VWDE: variants seen among roughly 807,000 people sequenced by gnomAD.
The protein encoded by VWDE is von Willebrand factor D and EGF domains, also known as von Willebrand factor D and EGF domain-containing protein.
A neutral mutation model predicts 178.4 loss-of-function variants in VWDE; 207 were observed. The ratio of observed to expected loss-of-function variants is 1.16; its 90% CI spans 1.04 to 1.30. The LOEUF (loss-of-function observed/expected upper bound fraction) is 1.30. VWDE is among the 50% of genes most tolerant of loss of function. The probability of loss-of-function intolerance (pLI) is 0.00; values close to 1 mark genes in which losing one functional copy is unlikely to be tolerated. For missense variants in VWDE, 2,287 were observed against 1,901.3 expected, an observed-to-expected ratio of 1.20 and a Z score of -3.77; for synonymous variants, 738 against 651.4, an observed-to-expected ratio of 1.13 and a Z score of -2.02.
At chr7:12,355,577 T>C (rs1583296243) in intron 18 of VWDE, among the ~76,000 whole-genome samples, 1 of 152,200 alleles carries the variant, frequency 6.6e-6, no homozygotes, top group African/African-American at 2.4e-5. Flanking sequence ...AAAATATTCA[T>C]ATGAGTTTTT....
chr7:12,389,150 C>G lies in VWDE; in HGVS notation c.452G>C (p.Gly151Ala). 6.4e-7 allele frequency: 1 copy of G among 1,551,008 alleles called. No homozygotes were observed. Among genetic ancestry groups the G allele is most frequent in the East Asian group, 2.4e-5 (1 of 40,910 alleles). The change falls in exon 3 of 29, where the codon GGA (glycine) becomes GCA (alanine). Residue 151 changes from glycine (G) to alanine (A), a missense_variant. Transcript: ENST00000275358. ...FSVYLLQPTQ[G>A]CMGYCAEAIS... ...ACCTTCCGCACAGTAGCCCATACATCCCTGAGTTGGTTGTAGTAAGTATAC... is the reference window on the plus strand; with the variant it reads ...ACCTTCCGCACAGTAGCCCATACATGCCTGAGTTGGTTGTAGTAAGTATAC...
At chr7:12,364,417 A>G (rs1782749070) in intron 13 of VWDE, among the ~76,000 whole-genome samples, 2 of 152,130 alleles carry the variant, frequency 1.3e-5, no homozygotes, top group Admixed American at 1.3e-4. Context: ...CTGGAATATC[A>G]TATGATGCCA....
intron 23 of VWDE, among the ~76,000 whole-genome samples, chr7:12,341,508 T>C (rs1781328125): frequency 1.3e-5 from 2 of 152,074 alleles, no homozygotes; most frequent in African/African-American, 4.8e-5. Flanking sequence ...GGCATGCTCC[T>C]GTAATCCCAG....
At chr7:12,343,260 A>G in intron 21 of VWDE, 82 bp from the exon 22 acceptor site, 1 of 1,002,374 alleles carries the variant, frequency 1.0e-6, no homozygotes, top group Non-Finnish European at 1.5e-6. Context: ...GTCACAATAA[A>G]ATCTTGTTGT....
chr7:12,381,763 A>G (rs922727951), intron 4 of VWDE, among the ~76,000 whole-genome samples: 1 of 151,922 alleles, frequency 6.6e-6, no homozygotes, highest in African/African-American at 2.4e-5. Context: ...TATATATCTG[A>G]GTAAAAATTT....
At chr7:12,344,811 T>C (rs1411569793) in intron 19 of VWDE, among the ~76,000 whole-genome samples, 3 of 152,142 alleles carry the variant, frequency 2.0e-5, no homozygotes, top group African/African-American at 7.2e-5. Flanking sequence ...ATATATAACT[T>C]GCTGTAATCT....
chr7:12,358,317 TGAGCTGAGA>T (rs1782378751), intron 16 of VWDE, among the ~76,000 whole-genome samples: 1 of 149,382 alleles, frequency 6.7e-6, no homozygotes, highest in Non-Finnish European at 1.5e-5. Flanking sequence ...GAGCTTGCAG[TGAGCTGAGA>T]TCGTGCCACT....
In VWDE at chr7:12,379,365, A is replaced by C. The variant is rs574343413; in HGVS notation, c.879+112T>G. 3.6e-5 allele frequency: 23 copies of C among 645,570 alleles called. No individual in the cohort carries two copies. The South Asian group carries it at 9.0e-4, about 25-fold the overall frequency. The allele number at this position is 645,570 out of a possible 1,614,324, so 40.0% of individuals were successfully genotyped here. On this transcript the variant is annotated intron_variant, in intron 6 of 28. Transcript: ENST00000275358. Reference sequence around the variant, plus strand: ...CAAATATGGGGACTCATGGGTCTCAACATTCCGATTCAGTCTGTGATGAGG... The same window carrying C: ...CAAATATGGGGACTCATGGGTCTCACCATTCCGATTCAGTCTGTGATGAGG...
chr7:12,350,539 T>G (rs1271829001), intron 19 of VWDE, among the ~76,000 whole-genome samples: 1 of 152,090 alleles, frequency 6.6e-6, no homozygotes, highest in Non-Finnish European at 1.5e-5. Flanking sequence ...AGTGATATCA[T>G]AGTGAAACAT....
In VWDE at chr7:12,380,525, AAGAG is replaced by A. The variant is rs1783788767; in HGVS notation, c.746_749del (p.Ser249PhefsTer2). 1 of 1,551,788 alleles carries A rather than the reference AAGAG, an allele frequency of 6.4e-7. No individual in the cohort carries two copies. Among genetic ancestry groups the A allele is most frequent in the Non-Finnish European group, 8.7e-7 (1 of 1,147,034 alleles). On this transcript the variant is annotated frameshift_variant, in exon 5 of 29. Coordinates refer to ENST00000275358, the MANE Select transcript of VWDE (RefSeq NM_001135924.3). LOFTEE classifies it high-confidence loss of function. ...TGAGATTTATGCCATCAAGTTCTAAAAGAGAGAATGCCTGAACTGTGGTCTCTTG... is the reference window on the plus strand; with the variant it reads ...TGAGATTTATGCCATCAAGTTCTAAAAGAATGCCTGAACTGTGGTCTCTTG...
rs941680836 is a variant in VWDE at position 12,340,259 on chromosome 7, C to T, written c.4366+63G>A. The stretch of plus-strand genomic sequence containing the variant: ...CTTTGAAACTTGTCTCATGTTTACT[C>T]AGAGCTCTGTTGATATCTAACTTTC... On this transcript the variant is annotated intron_variant, in intron 24 of 28. Transcript: ENST00000275358. 1.4e-5 allele frequency: 18 copies of T among 1,280,828 alleles called. No individual in the cohort carries two copies. The African/African-American group carries it at 1.5e-4, about 11-fold the overall frequency. 79.3% of individuals were successfully genotyped at this position (1,280,828 alleles called of 1,614,324 possible). A position where few individuals can be genotyped will look rare whatever the true frequency, so the allele number is the denominator to read the frequency against.
rs1367977130 is a variant in VWDE at position 12,374,698 on chromosome 7, A to G, written c.1307T>C (p.Phe436Ser). 6.5e-7 allele frequency: 1 copy of G among 1,534,048 alleles called. No individual in the cohort carries two copies. The highest frequency in any genetic ancestry group is 8.8e-7 in the Non-Finnish European group (1 of 1,139,894). The change falls in exon 9 of 29, where the codon TTT (phenylalanine) becomes TCT (serine). Residue 436 changes from phenylalanine (F) to serine (S), a missense_variant. By Grantham distance (155) the Phe-to-Ser change is radical. Coordinates refer to ENST00000275358, the MANE Select transcript of VWDE (RefSeq NM_001135924.3). ...YTFTDPHIITFDGRVYDNFKT... is the reference protein window; with the variant it reads ...YTFTDPHIITSDGRVYDNFKT... ...ACTTTCAGAAAATTACCTGCCATCA[A>G]ATGTAATTATATGTGGGTCAGTAAA...
intron 3 of VWDE, among the ~76,000 whole-genome samples, chr7:12,384,897 T>C (rs1211072268): frequency 2.0e-5 from 3 of 152,126 alleles, no homozygotes; most frequent in Non-Finnish European, 4.4e-5. Flanking sequence ...TTAGGGGATA[T>C]AGTATACATT....
At chr7:12,375,637 C>T (rs1038897839) in intron 7 of VWDE, among the ~76,000 whole-genome samples, 2 of 151,832 alleles carry the variant, frequency 1.3e-5, no homozygotes, top group African/African-American at 4.8e-5. Flanking sequence ...TGTAATATTT[C>T]TTAGCATATG....
In VWDE at chr7:12,351,597, T is replaced by G; in HGVS notation, c.3862A>C (p.Lys1288Gln). The G allele has an allele frequency of 1.3e-6, 2 of 1,549,998 alleles. No homozygotes were observed. Among genetic ancestry groups the G allele is most frequent in the South Asian group, 2.4e-5 (2 of 83,720 alleles). ...KNAQGRKRHV[K>Q]PTSGNAFTIC... ...CTGAAGGCATTTCCACTTGTTGGCT[T>G]AACATGCCTCTTTCTCCCTTGGGCA... The change falls in exon 19 of 29, where the codon AAG becomes CAG. Residue 1288 changes from lysine (K) to glutamine (Q), a missense_variant. Lys to Gln is a moderately conservative substitution (Grantham distance 53, BLOSUM62 1). Transcript: ENST00000275358.
chr7:12,388,690 A>G (rs1025360476), intron 3 of VWDE: 1 of 264,028 alleles, frequency 3.8e-6, no homozygotes, highest in Non-Finnish European at 7.6e-6. Flanking sequence ...TATCTTGCTC[A>G]TCACCGTAAC....
At chr7:12,348,527 T>TA (rs1307785930) in intron 19 of VWDE, among the ~76,000 whole-genome samples, 2 of 150,924 alleles carry the variant, frequency 1.3e-5, no homozygotes, top group Non-Finnish European at 3.0e-5. Flanking sequence ...CACAGTGAGA[T>TA]ACCATCTCAC....
intron 24 of VWDE, among the ~76,000 whole-genome samples, chr7:12,338,586 T>C (rs1781162083): frequency 6.6e-6 from 1 of 152,070 alleles, no homozygotes; most frequent in South Asian, 2.1e-4. Context: ...AAATAATATA[T>C]ACAAAGGGCA....
intron 4 of VWDE, among the ~76,000 whole-genome samples, chr7:12,382,760 CAATA>C (rs1783917229): frequency 6.6e-6 from 1 of 151,766 alleles, no homozygotes; most frequent in Non-Finnish European, 1.5e-5. Flanking sequence ...GCTAATATTT[CAATA>C]AATAATTTCA....
Sources: gnomAD v4.1 joint callset for allele counts (sites outside exome capture counted in the v4.1 genomes callset) on GRCh38, gnomAD v4.1.1 for gene constraint, MANE v1.5 for transcripts, NCBI Gene and HGNC (gene_info 2026-07-23, HGNC 2026-07-21) for gene names.